Variants in CEP128 observed in about 807,000 individuals in gnomAD.
CEP128 encodes centrosomal protein 128kDa.
In CEP128, 132 loss-of-function variants were observed where a neutral mutation model predicts 156.7. The observed-to-expected ratio is 0.84, with a 90% CI of 0.73 to 0.97. CEP128 has a LOEUF of 0.97. Ranked by LOEUF, CEP128 falls within the 50% of genes least tolerant of loss-of-function variation. The pLI, the probability that CEP128 is intolerant of heterozygous loss-of-function variation, is 0.00. For missense variants in CEP128, 1,252 were observed against 1,281.9 expected, an observed-to-expected ratio of 0.98 and a Z score of 0.36; for synonymous variants, 469 against 448.9, an observed-to-expected ratio of 1.04 and a Z score of -0.57.
intron 9 of CEP128, among the ~76,000 whole-genome samples, chr14:80,850,180 T>C (rs1005259017): frequency 1.3e-5 from 2 of 152,162 alleles, no homozygotes; most frequent in African/African-American, 2.4e-5. Context: ...TCATATAAAA[T>C]ACACAATGTG....
intron 13 of CEP128, among the ~76,000 whole-genome samples, chr14:80,798,308 A>G (rs1024371013): frequency 2.6e-5 from 4 of 152,230 alleles, no homozygotes; most frequent in African/African-American, 9.6e-5. Flanking sequence ...AGTCATAATT[A>G]TGTTAAGATT....
intron 19 of CEP128, among the ~76,000 whole-genome samples, chr14:80,650,537 C>T (rs142548327): frequency 0.013 from 1,937 of 152,108 alleles, 24 homozygotes; most frequent in Middle Eastern, 0.031. Flanking sequence ...CCATTCAGTA[C>T]GATATTGGCT....
At chr14:80,669,012 C>T (rs142136288) in intron 19 of CEP128, among the ~76,000 whole-genome samples, 1 of 152,138 alleles carries the variant, frequency 6.6e-6, no homozygotes, top group African/African-American at 2.4e-5. Context: ...AATTAAACCT[C>T]TTTTCTTTAT....
At chr14:80,752,274 A>AT (rs938625522) in intron 18 of CEP128, among the ~76,000 whole-genome samples, 11 of 152,326 alleles carry the variant, frequency 7.2e-5, no homozygotes, top group African/African-American at 2.6e-4. Context: ...GAGGATGGCA[A>AT]TTTTTTAGAA....
At chr14:80,531,718 G>A (rs1179278407) in intron 21 of CEP128, among the ~76,000 whole-genome samples, 1 of 152,108 alleles carries the variant, frequency 6.6e-6, no homozygotes, top group East Asian at 1.9e-4. Flanking sequence ...AAACCCTATG[G>A]CTGACGCATG....
intron 19 of CEP128, among the ~76,000 whole-genome samples, chr14:80,672,449 A>G (rs1034382497): frequency 1.3e-5 from 2 of 152,234 alleles, no homozygotes; most frequent in African/African-American, 4.8e-5. Context: ...CAAAAAGTTA[A>G]CCAATCAACA....
intron 12 of CEP128, among the ~76,000 whole-genome samples, chr14:80,832,348 T>C (rs1885849908): frequency 6.6e-6 from 1 of 152,120 alleles, no homozygotes; most frequent in Non-Finnish European, 1.5e-5. Context: ...ATATACTGTC[T>C]GTCATTTTAA....
intron 19 of CEP128, among the ~76,000 whole-genome samples, chr14:80,668,156 T>C (rs1015614151): frequency 3.3e-5 from 5 of 152,146 alleles, no homozygotes; most frequent in African/African-American, 1.2e-4. Context: ...TGAGTCTGAT[T>C]CTATCACTGA....
In CEP128 at chr14:80,854,600, T is replaced by C. The variant is rs982455065; in HGVS notation, c.762+8157A>G. ...GATGAAAGAACAGAGTTGGAAGAGA[T>C]GTAGGAAAAAAATCAGCCATGTAAA... is the stretch of plus-strand genomic sequence containing the variant. On this transcript the variant is annotated intron_variant, in intron 9 of 24. Transcript: ENST00000555265. Among the ~76,000 whole-genome samples, 3 of 152,050 alleles carry C rather than the reference T, an allele frequency of 2.0e-5. No individual in the cohort carries two copies. In the South Asian group the frequency reaches 6.2e-4, roughly 32 times the overall value.
intron 19 of CEP128, among the ~76,000 whole-genome samples, chr14:80,654,448 A>G (rs537328768): frequency 6.6e-6 from 1 of 152,286 alleles, no homozygotes; most frequent in South Asian, 2.1e-4. Context: ...ATATAGGACA[A>G]GAACGACTTA....
At chr14:80,690,335 G>A (rs949747677) in intron 19 of CEP128, among the ~76,000 whole-genome samples, 9 of 150,474 alleles carry the variant, frequency 6.0e-5, no homozygotes, top group South Asian at 2.1e-4. Context: ...AGAATCACTT[G>A]AATCAGGAAG....
At chr14:80,852,583 T>C (rs1353495471) in intron 9 of CEP128, among the ~76,000 whole-genome samples, 1 of 151,746 alleles carries the variant, frequency 6.6e-6, no homozygotes, top group Non-Finnish European at 1.5e-5. Context: ...AATAAAATAA[T>C]ACTATTTCTA....
At chr14:80,824,919 A>G (rs940632982) in intron 13 of CEP128, among the ~76,000 whole-genome samples, 3 of 152,182 alleles carry the variant, frequency 2.0e-5, no homozygotes, top group African/African-American at 7.2e-5. Context: ...ATAAAGACAC[A>G]CCCGAGACTG....
chr14:80,784,274 CGT>C (rs1442996383), intron 15 of CEP128, among the ~76,000 whole-genome samples: 2 of 127,150 alleles, frequency 1.6e-5, no homozygotes. Context: ...TCATATGACA[CGT>C]GTTATGAAAA....
chr14:80,722,391 T>G (rs1897850749), intron 19 of CEP128, among the ~76,000 whole-genome samples: 1 of 152,298 alleles, frequency 6.6e-6, no homozygotes, highest in South Asian at 2.1e-4. Flanking sequence ...GACCCCATTC[T>G]AAAAATGCAA....
intron 11 of CEP128, among the ~76,000 whole-genome samples, chr14:80,837,955 T>C (rs769079370): frequency 2.6e-5 from 4 of 152,190 alleles, no homozygotes; most frequent in Non-Finnish European, 5.9e-5. Context: ...GACAGATAAG[T>C]AGTAAGTTGT....
intron 19 of CEP128, among the ~76,000 whole-genome samples, chr14:80,592,753 T>G (rs2140492009): frequency 6.6e-6 from 1 of 152,030 alleles, no homozygotes; most frequent in East Asian, 1.9e-4. Flanking sequence ...CTAAATAAAA[T>G]AAATACTGGC....
At chr14:80,861,597 A>T (rs1369240392) in intron 9 of CEP128, among the ~76,000 whole-genome samples, 3 of 152,114 alleles carry the variant, frequency 2.0e-5, no homozygotes, top group African/African-American at 7.2e-5. Flanking sequence ...TAAATTGTTT[A>T]CACCCTGAGA....
intron 4 of CEP128, among the ~76,000 whole-genome samples, chr14:80,910,129 TATA>T (rs1884123948): frequency 1.3e-5 from 2 of 152,316 alleles, no homozygotes; most frequent in South Asian, 4.1e-4. Flanking sequence ...TAGAACATAA[TATA>T]ATGTATATTA....
Sources: gnomAD v4.1 joint callset for allele counts (sites outside exome capture counted in the v4.1 genomes callset) on GRCh38, gnomAD v4.1.1 for gene constraint, MANE v1.5 for transcripts, NCBI Gene and HGNC (gene_info 2026-07-23, HGNC 2026-07-21) for gene names.